Variants in PCBP3 observed in about 807,000 individuals in gnomAD.
The protein encoded by PCBP3 is poly(rC) binding protein 3, also known as poly(rC)-binding protein 3.
A neutral mutation model predicts 52.7 loss-of-function variants in PCBP3; 25 were observed. That is an observed-to-expected ratio of 0.47 (90% CI 0.35 to 0.66). The LOEUF (loss-of-function observed/expected upper bound fraction) is 0.66, where lower values mean the gene tolerates loss of function less well. PCBP3 is among the 30% of genes least tolerant of loss of function. The pLI, the probability that PCBP3 is intolerant of heterozygous loss-of-function variation, is 0.01. For missense variants in PCBP3, 391 were observed against 490.3 expected (o/e 0.80, Z 1.91); for synonymous variants, 162 against 183.0 (o/e 0.89, Z 0.93).
intron 2 of PCBP3, among the ~76,000 whole-genome samples, chr21:45,719,356 A>G (rs2084457362): frequency 1.3e-5 from 2 of 152,128 alleles, no homozygotes; most frequent in Admixed American, 1.3e-4. Flanking sequence ...CAACTGAGGA[A>G]CTGAGAAGTG....
chr21:45,929,620 C>T (rs1010640335), intron 13 of PCBP3, among the ~76,000 whole-genome samples: 2 of 152,320 alleles, frequency 1.3e-5, no homozygotes, highest in Non-Finnish European at 1.5e-5. Flanking sequence ...GCCTCCTGTC[C>T]ACACCAGCTG....
intron 9 of PCBP3, among the ~76,000 whole-genome samples, chr21:45,903,721 A>G (rs1224741731): frequency 6.6e-6 from 1 of 152,250 alleles, no homozygotes; most frequent in Non-Finnish European, 1.5e-5. Context: ...TAAGCAGATG[A>G]AAAATGAAAC....
At chr21:45,715,741 A>C (rs1244382756) in intron 2 of PCBP3, among the ~76,000 whole-genome samples, 1 of 152,164 alleles carries the variant, frequency 6.6e-6, no homozygotes, top group African/African-American at 2.4e-5. Flanking sequence ...ATGACTGATG[A>C]TGTTGGAAAG....
intron 5 of PCBP3, among the ~76,000 whole-genome samples, chr21:45,866,713 C>CGTGAA (rs1293705340): frequency 7.2e-5 from 11 of 152,106 alleles, no homozygotes; most frequent in Non-Finnish European, 1.3e-4. Flanking sequence ...TGCACACGAG[C>CGTGAA]GTGAAGCCTG....
chr21:45,671,772 G>A (rs1420012918), intron 2 of PCBP3, among the ~76,000 whole-genome samples: 1 of 152,192 alleles, frequency 6.6e-6, no homozygotes, highest in East Asian at 1.9e-4. Context: ...TGAGGTTAAA[G>A]CTGTGATTGG....
intron 4 of PCBP3, among the ~76,000 whole-genome samples, chr21:45,794,928 C>CA (rs35538325): frequency 0.1 from 10,021 of 95,636 alleles, 381 homozygotes; most frequent in East Asian, 0.19. Flanking sequence ...GACTCTGTCT[C>CA]AAAAAAAAAA....
intron 5 of PCBP3, among the ~76,000 whole-genome samples, chr21:45,884,194 C>T (rs889506746): frequency 6.6e-6 from 1 of 152,118 alleles, no homozygotes; most frequent in Non-Finnish European, 1.5e-5. Context: ...CCTTGACCGC[C>T]CAAAGTGCTG....
intron 1 of PCBP3, among the ~76,000 whole-genome samples, chr21:45,646,253 G>A (rs1456764924): frequency 2.0e-5 from 3 of 152,054 alleles, no homozygotes; most frequent in South Asian, 4.2e-4. Context: ...TTGAATGGGA[G>A]CGTGTCTTGA....
chr21:45,930,057 G>A (rs1165962604), intron 14 of PCBP3, 62 bp downstream of exon 14: 9 of 1,263,022 alleles, frequency 7.1e-6, no homozygotes, highest in Middle Eastern at 3.8e-4. Flanking sequence ...CTCTTTCTGA[G>A]CTGTGTTATT....
In PCBP3 at chr21:45,791,525, G is replaced by A. The variant is rs1023348949; in HGVS notation, c.-126+36073G>A. ...CCAGACACAAAGGCAGAGAGGAGACGATGGTCTCGCGGCGTGATCTGGGCT... is the reference window on the plus strand; with the variant it reads ...CCAGACACAAAGGCAGAGAGGAGACAATGGTCTCGCGGCGTGATCTGGGCT... On this transcript the variant is annotated intron_variant, in intron 4 of 17. Transcript: ENST00000681687. The surrounding 1 kb of genome is among the most constrained non-coding windows in gnomAD (Gnocchi z 4.2). Among the ~76,000 whole-genome samples the A allele has an allele frequency of 2.0e-5, 3 of 152,174 alleles. No individual in the cohort carries two copies. The highest frequency in any genetic ancestry group is 2.9e-5 in the Non-Finnish European group (2 of 68,032).
At chr21:45,815,140 G>A (rs1471100717) in intron 4 of PCBP3, among the ~76,000 whole-genome samples, 1 of 87,194 alleles carries the variant, frequency 1.1e-5, no homozygotes, top group Non-Finnish European at 2.3e-5. Context: ...TGAGTGAGTG[G>A]TGAGTGGTGA....
chr21:45,745,551 G>A (rs1331073443), intron 3 of PCBP3, among the ~76,000 whole-genome samples: 1 of 152,196 alleles, frequency 6.6e-6, no homozygotes, highest in Non-Finnish European at 1.5e-5. Flanking sequence ...GATGCAACAG[G>A]GGACAACTTC....
chr21:45,801,028 G>A (rs953279747), intron 4 of PCBP3, among the ~76,000 whole-genome samples: 2 of 152,314 alleles, frequency 1.3e-5, no homozygotes, highest in South Asian at 2.1e-4. Flanking sequence ...ACCTTGGAAC[G>A]TGCTCTGCTA....
intron 4 of PCBP3, among the ~76,000 whole-genome samples, chr21:45,834,983 G>A (rs1489124794): frequency 6.6e-6 from 1 of 152,244 alleles, no homozygotes; most frequent in Non-Finnish European, 1.5e-5. Context: ...CGTGCTCGGG[G>A]TGGGCAGCGC....
chr21:45,894,977 T>G (rs1407359251), intron 5 of PCBP3, among the ~76,000 whole-genome samples: 1 of 152,244 alleles, frequency 6.6e-6, no homozygotes, highest in African/African-American at 2.4e-5. Context: ...TGTGATAGTC[T>G]GAGTGTGTTG....
At chr21:45,783,169 A>G (rs988848493) in intron 4 of PCBP3, among the ~76,000 whole-genome samples, 8 of 152,186 alleles carry the variant, frequency 5.3e-5, no homozygotes, top group Non-Finnish European at 1.2e-4. Flanking sequence ...TTGCAGAAAT[A>G]TGGTTTTGGT....
chr21:45,898,032 G>A (rs947020565), intron 6 of PCBP3, among the ~76,000 whole-genome samples: 14 of 152,122 alleles, frequency 9.2e-5, no homozygotes, highest in African/African-American at 3.4e-4. Flanking sequence ...GGGAAGACAC[G>A]GCCTCCTCCC....
At chr21:45,836,911 C>G (rs2093602565) in intron 4 of PCBP3, among the ~76,000 whole-genome samples, 1 of 152,062 alleles carries the variant, frequency 6.6e-6, no homozygotes, top group Non-Finnish European at 1.5e-5. Flanking sequence ...GCATAGTGTT[C>G]CAGTGTGTGA....
chr21:45,845,448 TGTGA>T (rs139327633), intron 4 of PCBP3, among the ~76,000 whole-genome samples: 1,756 of 151,666 alleles, frequency 0.012, 24 homozygotes, highest in Non-Finnish European at 0.013. Flanking sequence ...TGTCCACACG[TGTGA>T]GTGTGTGCCT....
Sources: allele counts gnomAD v4.1 joint callset (sites outside exome capture counted in the v4.1 genomes callset), GRCh38; gene constraint gnomAD v4.1.1; non-coding constraint Gnocchi (gnomAD v3.1); transcripts MANE v1.5; gene names NCBI Gene and HGNC (gene_info 2026-07-23, HGNC 2026-07-21).